The following CSRNP3 variants were observed in gnomAD, a reference collection of about 807,000 sequenced individuals.
The protein encoded by CSRNP3 is cysteine/serine-rich nuclear protein 3.
CSRNP3 carries 12 observed loss-of-function variants against 48.0 expected under a neutral mutation model. The observed-to-expected ratio is 0.25, with a 90% confidence interval of 0.16 to 0.41. CSRNP3 has a LOEUF of 0.41. CSRNP3 is among the 10% of genes least tolerant of loss of function. The pLI is 1.00. For missense variants in CSRNP3, 580 were observed against 724.4 expected (o/e 0.80, Z 2.29); for synonymous variants, 263 against 269.7 (o/e 0.98, Z 0.24).
At chr2:165,617,650 G>C (rs373697800) in intron 4 of CSRNP3, among the ~76,000 whole-genome samples, 60 of 152,302 alleles carry the variant, frequency 3.9e-4, no homozygotes, top group African/African-American at 1.3e-3. Context: ...ACCCAGAAGG[G>C]CTGTATTTCC....
chr2:165,661,783 C>G (rs990170496), intron 5 of CSRNP3, among the ~76,000 whole-genome samples: 5 of 152,086 alleles, frequency 3.3e-5, no homozygotes, highest in African/African-American at 1.2e-4. Context: ...AGTGAATTGC[C>G]CGCTGAATAA....
At chr2:165,631,839 T>G (rs190415633) in intron 4 of CSRNP3, among the ~76,000 whole-genome samples, 121 of 152,374 alleles carry the variant, frequency 7.9e-4, no homozygotes, top group Non-Finnish European at 1.3e-3. Context: ...TGGCTGCTTT[T>G]GCACTATAAT....
chr2:165,647,450 A>G (rs1333611669), intron 4 of CSRNP3, among the ~76,000 whole-genome samples: 2 of 152,212 alleles, frequency 1.3e-5, no homozygotes, highest in Non-Finnish European at 2.9e-5. Flanking sequence ...AAATGTTAAT[A>G]TTGGCTGTGT....
chr2:165,489,125 A>G (rs1684164814), intron 1 of CSRNP3, among the ~76,000 whole-genome samples: 1 of 150,486 alleles, frequency 6.6e-6, no homozygotes, highest in Admixed American at 6.6e-5. Flanking sequence ...ATCACCACTG[A>G]TCCCACAGAA....
At chr2:165,497,040 AG>A (rs1410023821) in intron 2 of CSRNP3, among the ~76,000 whole-genome samples, 1 of 152,074 alleles carries the variant, frequency 6.6e-6, no homozygotes, top group African/African-American at 2.4e-5. Context: ...GAAAAATTAT[AG>A]GTCAGGCAGT....
intron 3 of CSRNP3, among the ~76,000 whole-genome samples, chr2:165,594,728 C>T (rs1261468476): frequency 6.6e-6 from 1 of 152,070 alleles, no homozygotes; most frequent in Non-Finnish European, 1.5e-5. Context: ...CATTATTTTT[C>T]TTTACAGATT....
chr2:165,522,300 A>G (rs1236302920), intron 3 of CSRNP3, among the ~76,000 whole-genome samples: 2 of 150,390 alleles, frequency 1.3e-5, no homozygotes, highest in Non-Finnish European at 2.9e-5. Context: ...GCCTTGTCTC[A>G]AACAAACAAA....
At chr2:165,594,113 C>G (rs1395650556) in intron 3 of CSRNP3, among the ~76,000 whole-genome samples, 1 of 151,942 alleles carries the variant, frequency 6.6e-6, no homozygotes, top group Non-Finnish European at 1.5e-5. Context: ...ATTTCAAAAT[C>G]CAAAAAAAAT....
chr2:165,617,776 G>T (rs1242246782), intron 4 of CSRNP3, among the ~76,000 whole-genome samples: 1 of 152,228 alleles, frequency 6.6e-6, no homozygotes, highest in Non-Finnish European at 1.5e-5. Context: ...CCATTCTTCA[G>T]CTCCCTATGT....
chr2:165,604,673 G>A (rs1460753905), intron 4 of CSRNP3, among the ~76,000 whole-genome samples: 10 of 152,118 alleles, frequency 6.6e-5, no homozygotes, highest in Non-Finnish European at 1.5e-4. Context: ...CTGTTTAATT[G>A]GATGCTGTGC....
At chr2:165,650,264 T>C (rs963099544) in intron 4 of CSRNP3, among the ~76,000 whole-genome samples, 2 of 152,174 alleles carry the variant, frequency 1.3e-5, no homozygotes, top group Non-Finnish European at 2.9e-5. Flanking sequence ...AAAGGACAAT[T>C]AGAACAAGGA....
chr2:165,585,758 A>T (rs1685617407), intron 3 of CSRNP3, among the ~76,000 whole-genome samples: 1 of 152,192 alleles, frequency 6.6e-6, no homozygotes, highest in Non-Finnish European at 1.5e-5. Flanking sequence ...AAGTTGTTTA[A>T]CATGCCTGTT....
chr2:165,581,875 A>G (rs1490935755), intron 3 of CSRNP3, among the ~76,000 whole-genome samples: 1 of 152,128 alleles, frequency 6.6e-6, no homozygotes, highest in Non-Finnish European at 1.5e-5. Flanking sequence ...GACCCAGAGA[A>G]ATAATCTTCC....
At chr2:165,499,963 TA>T (rs777240862) in intron 2 of CSRNP3, among the ~76,000 whole-genome samples, 4 of 151,498 alleles carry the variant, frequency 2.6e-5, no homozygotes, top group African/African-American at 4.9e-5. Context: ...AATAAAATTT[TA>T]TGAAACTTGA....
At chr2:165,528,829 C>T (rs1314750006) in intron 3 of CSRNP3, among the ~76,000 whole-genome samples, 4 of 152,146 alleles carry the variant, frequency 2.6e-5, no homozygotes, top group East Asian at 3.9e-4. Context: ...TGCAGCTGGG[C>T]CTGCATGCTC....
Position 165,680,195 on chromosome 2 carries a change from G to A in CSRNP3, c.*442G>A, listed in dbSNP as rs1687510539. 1 of 155,938 alleles carries A rather than the reference G, an allele frequency of 6.4e-6. No homozygotes were observed. Among genetic ancestry groups the A allele is most frequent in the African/African-American group, 2.4e-5 (1 of 41,496 alleles). 9.7% of individuals were successfully genotyped at this position (155,938 alleles called of 1,614,324 possible). On this transcript the variant is annotated 3_prime_UTR_variant, in exon 7 of 7. Coordinates refer to ENST00000651982, the MANE Select transcript of CSRNP3 (RefSeq NM_001172173.2). ...GTAAAAGTAATTATTGTAAGAAAAA[G>A]ATTTAATTGTTCCATGTGTATTTTA... is the stretch of plus-strand genomic sequence containing the variant.
At chr2:165,478,088 A>G (rs866192876) in intron 1 of CSRNP3, among the ~76,000 whole-genome samples, 5 of 152,146 alleles carry the variant, frequency 3.3e-5, no homozygotes, top group Middle Eastern at 3.2e-3. Context: ...AAAAAAGGAC[A>G]TTATTAGACC....
intron 3 of CSRNP3, among the ~76,000 whole-genome samples, chr2:165,543,260 A>T (rs1264822147): frequency 6.6e-6 from 1 of 152,150 alleles, no homozygotes; most frequent in Non-Finnish European, 1.5e-5. Context: ...TTATTCTTTT[A>T]TTAATGATAT....
At chr2:165,479,155 T>G (rs993742925) in intron 1 of CSRNP3, among the ~76,000 whole-genome samples, 2 of 152,188 alleles carry the variant, frequency 1.3e-5, no homozygotes, top group Admixed American at 6.5e-5. Context: ...CTATTATGAA[T>G]GTTTATAAAC....
Sources: allele counts gnomAD v4.1 joint callset (sites outside exome capture counted in the v4.1 genomes callset), GRCh38; gene constraint gnomAD v4.1.1; transcripts MANE v1.5; gene names NCBI Gene and HGNC (gene_info 2026-07-23, HGNC 2026-07-21).